The following NIFK variants were observed in gnomAD, a reference collection of about 807,000 sequenced individuals.
The protein encoded by NIFK is nucleolar protein interacting with the FHA domain of MKI67, also known as MKI67 FHA domain-interacting nucleolar phosphoprotein.
In NIFK, 16 loss-of-function variants were observed where a neutral mutation model predicts 31.7. The ratio of observed to expected loss-of-function variants is 0.50; its 90% CI spans 0.34 to 0.77. NIFK has a LOEUF of 0.77. NIFK is among the 30% of genes least tolerant of loss of function. The pLI is 0.01. For missense variants in NIFK, 341 were observed against 350.4 expected (o/e 0.97, Z 0.21); for synonymous variants, 126 against 123.0 (o/e 1.02, Z -0.16).
At chr2:121,734,020 G>A (rs1445866565) in intron 2 of NIFK, among the ~76,000 whole-genome samples, 2 of 152,102 alleles carry the variant, frequency 1.3e-5, no homozygotes, top group Non-Finnish European at 1.5e-5. Context: ...ACAGTGGCTC[G>A]CTCATGCTTG....
intron 3 of NIFK, 63 bp downstream of exon 3, chr2:121,732,033 C>T (rs1171670793): frequency 1.1e-6 from 1 of 922,040 alleles, no homozygotes; most frequent in Non-Finnish European, 1.8e-6. Context: ...CCGCCCTTCC[C>T]ACCACAGTCA....
chr2:121,730,085 G>A (rs974971477), intron 4 of NIFK, among the ~76,000 whole-genome samples: 1 of 151,874 alleles, frequency 6.6e-6, no homozygotes, highest in East Asian at 1.9e-4. Context: ...ATGGTGGCAC[G>A]CACCTGTAAT....
intron 2 of NIFK, among the ~76,000 whole-genome samples, chr2:121,732,976 G>A (rs913673431): frequency 6.6e-6 from 1 of 151,992 alleles, no homozygotes; most frequent in Non-Finnish European, 1.5e-5. Flanking sequence ...CAGCTACTCA[G>A]GAGGCTGAGC....
intron 3 of NIFK, 27 bp downstream of exon 3, chr2:121,732,069 A>G: frequency 7.2e-7 from 1 of 1,388,940 alleles, no homozygotes; most frequent in South Asian, 1.2e-5. Context: ...CACCCAGGCA[A>G]CCCTGCGGTA....
At position 121,736,790 on chromosome 2, in the gene NIFK, C is replaced by A. The variant is rs1348344202; in HGVS notation, c.61G>T (p.Glu21Ter). The change falls in exon 1 of 7, where the codon GAG (glutamate) becomes TAG (stop). Residue 21 changes from glutamate to a stop codon, truncating the protein, a stop_gained. Coordinates refer to ENST00000285814, the MANE Select transcript of NIFK (RefSeq NM_032390.5). LOFTEE classifies it high-confidence loss of function. ...ILSLNPQEDVEFQKEVAQVRK... is the reference protein window; with the variant it reads ...ILSLNPQEDV ...ACCTGCGCCACCTCCTTTTGAAACTCGACATCTTCCTGCGGATTAAGCGAC... is the reference window on the plus strand; with the variant it reads ...ACCTGCGCCACCTCCTTTTGAAACTAGACATCTTCCTGCGGATTAAGCGAC... 3.1e-6 allele frequency: 5 copies of A among 1,614,058 alleles called. No homozygotes were observed. Among genetic ancestry groups the A allele is most frequent in the Non-Finnish European group, 4.2e-6 (5 of 1,180,010 alleles).
chr2:121,728,836 C>T (rs2074514860), intron 4 of NIFK, among the ~76,000 whole-genome samples: 1 of 152,096 alleles, frequency 6.6e-6, no homozygotes, highest in South Asian at 2.1e-4. Flanking sequence ...GCAGGCCACC[C>T]CCATCTCCTA....
chr2:121,735,827 C>A, intron 1 of NIFK, 77 bp from the exon 2 acceptor site: 4 of 1,239,648 alleles, frequency 3.2e-6, no homozygotes, highest in South Asian at 2.8e-5. Context: ...AGCCCTCGGC[C>A]CAAGAACCTA....
Position 121,734,515 on chromosome 2 carries a change from G to A in NIFK, c.243+1098C>T, listed in dbSNP as rs115831340. ...AGCAATGAAAACTGAATTTGTGGCC[G>A]GGCGCACTGGCTCACGCCTGTAATC... On this transcript the variant is annotated intron_variant, in intron 2 of 6. Transcript: ENST00000285814. Among the ~76,000 whole-genome samples, 837 of 151,934 alleles carry A rather than the reference G, an allele frequency of 5.5e-3. 7 individuals are homozygous for A. Among genetic ancestry groups the A allele is most frequent in the African/African-American group, 0.02 (808 of 41,432 alleles).
chr2:121,729,884 A>C (rs1400969140), intron 4 of NIFK, among the ~76,000 whole-genome samples: 2 of 152,210 alleles, frequency 1.3e-5, no homozygotes, highest in Non-Finnish European at 2.9e-5. Flanking sequence ...CTGGTCTCAT[A>C]ATGTTTTAGG....
chr2:121,730,091 G>A (rs1171107320), intron 4 of NIFK, among the ~76,000 whole-genome samples: 2 of 152,036 alleles, frequency 1.3e-5, no homozygotes, highest in Non-Finnish European at 2.9e-5. Context: ...GCACGCACCT[G>A]TAATCTCAGC....
chr2:121,735,982 T>A (rs961778844), intron 1 of NIFK, among the ~76,000 whole-genome samples: 3 of 152,178 alleles, frequency 2.0e-5, no homozygotes, highest in Admixed American at 6.5e-5. Flanking sequence ...GCTCAATAAC[T>A]ATGTCAATCA....
At chr2:121,730,280 C>CCCAG in intron 4 of NIFK, 1 of 155,582 alleles carries the variant, frequency 6.4e-6, no homozygotes, top group Non-Finnish European at 1.4e-5. Context: ...CGCCTGTAAT[C>CCCAG]CTAGCACTTT....
Position 121,727,066 on chromosome 2 carries a change from TTGC to T in NIFK, c.*655_*657del, listed in dbSNP as rs2074496187. 6.0e-6 allele frequency: 1 copy of T among 166,968 alleles called. No homozygotes were observed. Among genetic ancestry groups the T allele is most frequent in the Admixed American group, 6.0e-5 (1 of 16,756 alleles). 10.3% of individuals were successfully genotyped at this position (166,968 alleles called of 1,614,324 possible). On this transcript the variant is annotated 3_prime_UTR_variant, in exon 7 of 7. Coordinates refer to ENST00000285814, the MANE Select transcript of NIFK (RefSeq NM_032390.5). ...AAATACATTGTAGAAAAAAGTTTAA[TTGC>T]TGGTTATTGTTTGAATCTTGAAATA...
At position 121,736,742 on chromosome 2, in the gene NIFK, T is replaced by C; in HGVS notation, c.105+4A>G. ...TCGCAGCCTGGGCCAGGGTGCCTGCTCACCTGGGTTATGCGCTTGCGAACC... is the reference window on the plus strand; with the variant it reads ...TCGCAGCCTGGGCCAGGGTGCCTGCCCACCTGGGTTATGCGCTTGCGAACC... On this transcript the variant is annotated splice_donor_region_variant and intron_variant, in intron 1 of 6. Coordinates refer to ENST00000285814, the MANE Select transcript of NIFK (RefSeq NM_032390.5). 6.2e-7 allele frequency: 1 copy of C among 1,612,568 alleles called. No individual in the cohort carries two copies. The highest frequency in any genetic ancestry group is 8.5e-7 in the Non-Finnish European group (1 of 1,178,566).
At chr2:121,733,629 AG>A (rs767530914) in intron 2 of NIFK, among the ~76,000 whole-genome samples, 18 of 151,578 alleles carry the variant, frequency 1.2e-4, no homozygotes, top group Non-Finnish European at 2.5e-4. Flanking sequence ...CAGTCAGCTG[AG>A]GAACTGTGCC....
At position 121,727,710 on chromosome 2, in the gene NIFK, T is replaced by C. The variant is rs917035302; in HGVS notation, c.*14A>G. ...AATATTATATTTTTCAAAAGAAATA[T>C]AATACATTGAAAATCACTGATTGCT... On this transcript the variant is annotated 3_prime_UTR_variant, in exon 7 of 7. Transcript: ENST00000285814. 2 of 1,568,374 alleles carry C rather than the reference T, an allele frequency of 1.3e-6. No individual in the cohort carries two copies. Among genetic ancestry groups the C allele is most frequent in the South Asian group, 1.2e-5 (1 of 85,714 alleles).
At chr2:121,732,000 G>A in intron 3 of NIFK, 96 bp downstream of exon 3, 1 of 715,162 alleles carries the variant, frequency 1.4e-6, no homozygotes, top group Non-Finnish European at 2.6e-6. Context: ...AGATGAAGTG[G>A]CATGTCCAAG....
rs1226546423 is a variant in NIFK, at chr2:121,730,962, A to G, written c.495T>C (p.Phe165=). ...TCCTGAGTAATCTTTCTTTCTTTTT[A>G]AATCGCTCCTCCATCCGTAGCTTTT... is the stretch of plus-strand genomic sequence containing the variant. ...LTQKLRMEER[F]KKKERLLRKK... Residue 165 remains phenylalanine, a synonymous_variant, in exon 4 of 7, where the codon TTT becomes TTC. Coordinates refer to ENST00000285814, the MANE Select transcript of NIFK (RefSeq NM_032390.5). 1 of 1,613,292 alleles carries G rather than the reference A, an allele frequency of 6.2e-7. No homozygotes were observed. Among genetic ancestry groups the G allele is most frequent in the Non-Finnish European group, 8.5e-7 (1 of 1,179,642 alleles).
chr2:121,727,680 A>G lies in NIFK; in HGVS notation c.*44T>C. 7.0e-7 allele frequency: 1 copy of G among 1,421,088 alleles called. No individual in the cohort carries two copies. Among genetic ancestry groups the G allele is most frequent in the Non-Finnish European group, 9.7e-7 (1 of 1,030,628 alleles). The allele number at this position is 1,421,088 out of a possible 1,614,324, so 88.0% of individuals were successfully genotyped here. On this transcript the variant is annotated 3_prime_UTR_variant, in exon 7 of 7. Transcript: ENST00000285814. ...CTAGTGAAATACAAAGTCCACTCTC[A>G]TAAAAATATTATATTTTTCAAAAGA...
Sources: allele counts gnomAD v4.1 joint callset (sites outside exome capture counted in the v4.1 genomes callset), GRCh38; gene constraint gnomAD v4.1.1; transcripts MANE v1.5; gene names NCBI Gene and HGNC (gene_info 2026-07-23, HGNC 2026-07-21).